The following MARCHF1 variants were observed in gnomAD, a reference collection of about 807,000 sequenced individuals.
MARCHF1 encodes the protein membrane associated ring-CH-type finger 1, also known as E3 ubiquitin-protein ligase MARCHF1.
MARCHF1 carries 40 observed loss-of-function variants against 54.2 expected under a neutral mutation model. The ratio of observed to expected loss-of-function variants is 0.74; its 90% CI spans 0.57 to 0.96. MARCHF1 has a LOEUF of 0.96. Among genes scored for constraint, MARCHF1 ranks in the 40% least tolerant of loss-of-function variants. The pLI, the probability that MARCHF1 is intolerant of heterozygous loss-of-function variation, is 0.00. For synonymous variants in MARCHF1, 236 were observed against 236.3 expected (o/e 1.00, Z 0.01); for missense variants, 586 against 656.5 (o/e 0.89, Z 1.17).
At chr4:163,813,148 C>A (rs762437507) in intron 4 of MARCHF1, among the ~76,000 whole-genome samples, 10 of 152,166 alleles carry the variant, frequency 6.6e-5, no homozygotes, top group Non-Finnish European at 1.5e-4. Flanking sequence ...TCAGCTCATA[C>A]ACTTGCCACT....
intron 2 of MARCHF1, among the ~76,000 whole-genome samples, chr4:164,071,729 C>A (rs1754870891): frequency 1.3e-5 from 2 of 152,212 alleles, no homozygotes; most frequent in Non-Finnish European, 2.9e-5. Flanking sequence ...CCCATAGCTT[C>A]CTAGTGGTAA....
At chr4:164,082,424 A>G (rs1755120556) in intron 2 of MARCHF1, among the ~76,000 whole-genome samples, 1 of 152,212 alleles carries the variant, frequency 6.6e-6, no homozygotes, top group Non-Finnish European at 1.5e-5. Flanking sequence ...AGATCTTTAC[A>G]GTAATTCTTG....
chr4:164,148,794 T>C (rs189153311), intron 1 of MARCHF1, among the ~76,000 whole-genome samples: 9 of 85,190 alleles, frequency 1.1e-4, no homozygotes, highest in Admixed American at 2.5e-4. Flanking sequence ...CTAGCAAATA[T>C]TGCTTATTCT....
rs1731016319 is a variant in MARCHF1, at chr4:164,187,985, C to T, written c.-322-76323G>A. 3.9e-5 allele frequency among the ~76,000 whole-genome samples: 6 copies of T among 152,080 alleles called. 1 individual carries two copies. In the South Asian group the frequency reaches 1.2e-3, roughly 31 times the overall value. ...ACACTGTGAAGCCCTTCAGAATACT[C>T]AGATTGAACATGGGCTCAGAAATTC... On this transcript the variant is annotated intron_variant, in intron 1 of 9. Transcript: ENST00000514618.
chr4:163,997,300 T>C lies in MARCHF1; in HGVS notation c.-247-8591A>G, dbSNP rs1753095620. Reference sequence around the variant, plus strand: ...TAAAAAACAGTATGGGAGCAGGTGGTAAATGATCAAAGGCAAATGGTAATC... The same window carrying C: ...TAAAAAACAGTATGGGAGCAGGTGGCAAATGATCAAAGGCAAATGGTAATC... On this transcript the variant is annotated intron_variant, in intron 2 of 9. Coordinates refer to ENST00000514618, the MANE Select transcript of MARCHF1 (RefSeq NM_001394959.1). Among the ~76,000 whole-genome samples, 5 of 152,012 alleles carry C rather than the reference T, an allele frequency of 3.3e-5. No individual in the cohort carries two copies. The South Asian group carries it at 1.0e-3, about 32-fold the overall frequency.
At chr4:164,268,360 G>A (rs929971494) in intron 1 of MARCHF1, among the ~76,000 whole-genome samples, 3 of 152,164 alleles carry the variant, frequency 2.0e-5, no homozygotes, top group Admixed American at 1.3e-4. Context: ...AGAAACTCAT[G>A]AGAGCTGGAA....
intron 8 of MARCHF1, among the ~76,000 whole-genome samples, chr4:163,550,905 T>A (rs1049640808): frequency 6.6e-5 from 10 of 152,130 alleles, no homozygotes; most frequent in African/African-American, 2.4e-4. Flanking sequence ...ACTCACGGAA[T>A]CAGAAACTCT....
intron 4 of MARCHF1, among the ~76,000 whole-genome samples, chr4:163,755,512 T>G (rs923647683): frequency 6.6e-6 from 1 of 152,174 alleles, no homozygotes; most frequent in African/African-American, 2.4e-5. Context: ...TAAATTTAAT[T>G]TCAAACTTAA....
At chr4:163,921,887 A>C (rs1389465096) in intron 3 of MARCHF1, among the ~76,000 whole-genome samples, 1 of 152,192 alleles carries the variant, frequency 6.6e-6, no homozygotes. Context: ...CCAAAGGATT[A>C]TAAATCATGC....
chr4:163,584,111 T>C (rs1308074770), intron 8 of MARCHF1: 1 of 150,618 alleles, frequency 6.6e-6, no homozygotes, highest in African/African-American at 2.5e-5. Flanking sequence ...TGACAGGGTA[T>C]ACTAGATACT....
At chr4:163,795,067 G>T (rs1747873446) in intron 4 of MARCHF1, among the ~76,000 whole-genome samples, 1 of 152,046 alleles carries the variant, frequency 6.6e-6, no homozygotes, top group Admixed American at 6.6e-5. Flanking sequence ...GAATTGAATT[G>T]TATCTATAAA....
At chr4:163,624,403 G>A (rs2110969190) in intron 5 of MARCHF1, among the ~76,000 whole-genome samples, 1 of 152,296 alleles carries the variant, frequency 6.6e-6, no homozygotes, top group South Asian at 2.1e-4. Flanking sequence ...GTCAAGCCCT[G>A]TTGCCACATC....
At chr4:163,667,946 A>G (rs950928778) in intron 5 of MARCHF1, among the ~76,000 whole-genome samples, 1 of 152,136 alleles carries the variant, frequency 6.6e-6, no homozygotes, top group Non-Finnish European at 1.5e-5. Flanking sequence ...AAATTTAATA[A>G]AAAGTATGAT....
At chr4:163,743,348 G>A (rs867597122) in intron 4 of MARCHF1, among the ~76,000 whole-genome samples, 1 of 152,322 alleles carries the variant, frequency 6.6e-6, no homozygotes, top group Middle Eastern at 3.4e-3. Flanking sequence ...AGAGTGGTAT[G>A]AGGCAGAATT....
chr4:164,208,665 G>T lies in MARCHF1; in HGVS notation c.-322-97003C>A, dbSNP rs936753430. Among the ~76,000 whole-genome samples, 4 of 152,304 alleles carry T rather than the reference G, an allele frequency of 2.6e-5. No homozygotes were observed. The East Asian group carries it at 5.8e-4, about 22-fold the overall frequency. On this transcript the variant is annotated intron_variant, in intron 1 of 9. Transcript: ENST00000514618. Reference sequence around the variant, plus strand: ...CAAGGACAGTGCTATTTCAAGAGAAGAAAATGAGTGAGAGTTCTGGGTATT... The same window carrying T: ...CAAGGACAGTGCTATTTCAAGAGAATAAAATGAGTGAGAGTTCTGGGTATT...
At chr4:164,016,796 A>T (rs1466627715) in intron 2 of MARCHF1, among the ~76,000 whole-genome samples, 1 of 152,152 alleles carries the variant, frequency 6.6e-6, no homozygotes, top group Admixed American at 6.6e-5. Context: ...ATTTCAAAAT[A>T]AAAGAGCGGA....
chr4:164,216,454 A>C (rs1355730470), intron 1 of MARCHF1, among the ~76,000 whole-genome samples: 1 of 152,200 alleles, frequency 6.6e-6, no homozygotes, highest in African/African-American at 2.4e-5. Flanking sequence ...TATGTGTGCT[A>C]ATAAGGAAAG....
intron 3 of MARCHF1, among the ~76,000 whole-genome samples, chr4:163,877,061 A>G (rs552350730): frequency 8.5e-5 from 13 of 152,274 alleles, no homozygotes; most frequent in African/African-American, 3.1e-4. Context: ...CCCAAATCTT[A>G]TATCTCCACA....
chr4:164,095,446 G>A (rs1755390917), intron 2 of MARCHF1, among the ~76,000 whole-genome samples: 1 of 151,330 alleles, frequency 6.6e-6, no homozygotes, highest in African/African-American at 2.4e-5. Flanking sequence ...ACCAACCTTA[G>A]TCAAGTCATT....
Sources: gnomAD v4.1 joint callset for allele counts (sites outside exome capture counted in the v4.1 genomes callset) on GRCh38, gnomAD v4.1.1 for gene constraint, MANE v1.5 for transcripts, NCBI Gene and HGNC (gene_info 2026-07-23, HGNC 2026-07-21) for gene names.